PLG: variants seen among roughly 807,000 people sequenced by gnomAD.
The protein encoded by PLG is plasmin.
In PLG, 41 loss-of-function variants were observed where a neutral mutation model predicts 104.4. That is an observed-to-expected ratio of 0.39 (90% confidence interval 0.31 to 0.51). PLG has a LOEUF of 0.51. Among genes scored for constraint, PLG ranks in the 20% least tolerant of loss-of-function variants. The pLI is 0.76. For synonymous variants in PLG, 337 were observed against 357.1 expected, an observed-to-expected ratio of 0.94 and a Z score of 0.63; for missense variants, 891 against 1,003.6, an observed-to-expected ratio of 0.89 and a Z score of 1.52.
intron 10 of PLG, among the ~76,000 whole-genome samples, chr6:160,729,351 A>G (rs1489536439): frequency 6.6e-6 from 1 of 152,152 alleles, no homozygotes; most frequent in Non-Finnish European, 1.5e-5. Context: ...CTATGAGTCT[A>G]CCCCAAAAAA....
At chr6:160,712,401 G>T (rs1296976910) in intron 4 of PLG, 1 of 156,732 alleles carries the variant, frequency 6.4e-6, no homozygotes, top group African/African-American at 2.4e-5. Context: ...AGAAAACCAG[G>T]ACTTTGGAAT....
intron 17 of PLG, among the ~76,000 whole-genome samples, chr6:160,742,537 T>C (rs1460258261): frequency 6.6e-6 from 1 of 152,158 alleles, no homozygotes; most frequent in East Asian, 1.9e-4. Context: ...TCCTCATAGA[T>C]GCTGGATATT....
intron 3 of PLG, chr6:160,708,434 A>G (rs1420754095): frequency 6.6e-6 from 1 of 152,572 alleles, no homozygotes; most frequent in African/African-American, 2.4e-5. Flanking sequence ...CAGGATTTCA[A>G]TAGAAATTGC....
chr6:160,734,649 C>G lies in PLG; in HGVS notation c.1681+561C>G, dbSNP rs111298551. 2.6e-4 allele frequency among the ~76,000 whole-genome samples: 39 copies of G among 150,160 alleles called. No individual in the cohort carries two copies. The highest frequency in any genetic ancestry group is 8.8e-4 in the African/African-American group (36 of 40,800). On this transcript the variant is annotated intron_variant, in intron 13 of 18. Coordinates refer to ENST00000308192, the MANE Select transcript of PLG (RefSeq NM_000301.5). This position sits in a 1 kb window ranked among gnomAD's most constrained non-coding sequence, Gnocchi z 4.4. ...CTTGTTGGGTTCCATCCTCATTGCTCTGAGACTCTTGTTGGGAGTATGAGG... is the reference window on the plus strand; with the variant it reads ...CTTGTTGGGTTCCATCCTCATTGCTGTGAGACTCTTGTTGGGAGTATGAGG...
chr6:160,716,730 A>G lies in PLG; in HGVS notation c.754A>G (p.Lys252Glu). The G allele has an allele frequency of 6.2e-7, 1 of 1,612,134 alleles. No individual in the cohort carries two copies. Among genetic ancestry groups the G allele is most frequent in the South Asian group, 1.1e-5 (1 of 91,048 alleles). ...RPWCFTTDPN[K>E]RWELCDIPRC... ...TTGGTGTTTCACCACCGACCCCAAC[A>G]AGCGCTGGGAACTTTGTGACATCCC... is the stretch of plus-strand genomic sequence containing the variant. Residue 252 changes from lysine (K) to glutamate (E), a missense_variant, in exon 7 of 19, where the codon AAG becomes GAG. Physicochemically the swap from Lys to Glu is moderately conservative, Grantham distance 56. Coordinates refer to ENST00000308192, the MANE Select transcript of PLG (RefSeq NM_000301.5).
intron 17 of PLG, among the ~76,000 whole-genome samples, chr6:160,747,223 T>C: frequency 6.6e-6 from 1 of 152,224 alleles, no homozygotes; most frequent in East Asian, 1.9e-4. Flanking sequence ...GCCCCAGGTC[T>C]AGGATGGCAT....
At chr6:160,727,284 A>T (rs911489113) in intron 10 of PLG, among the ~76,000 whole-genome samples, 12 of 151,842 alleles carry the variant, frequency 7.9e-5, no homozygotes, top group African/African-American at 2.9e-4. Flanking sequence ...TGTGTATATA[A>T]TCTTTAATAT....
At chr6:160,743,595 T>A (rs1484256916) in intron 17 of PLG, among the ~76,000 whole-genome samples, 1 of 152,210 alleles carries the variant, frequency 6.6e-6, no homozygotes, top group African/African-American at 2.4e-5. Context: ...TAGAGTCATG[T>A]CATCTGCCAA....
At chr6:160,713,271 G>A (rs1582934657) in intron 5 of PLG, 146 bp downstream of exon 5, 2 of 710,362 alleles carry the variant, frequency 2.8e-6, no homozygotes, top group Admixed American at 4.6e-5. Context: ...GAATTAACCT[G>A]AATTTTTTTT....
rs758842289 is a variant in PLG at position 160,714,869 on chromosome 6, C to A, written c.623C>A (p.Ala208Asp). The change falls in exon 6 of 19, where the codon GCC becomes GAC. Residue 208 changes from alanine to aspartate, a missense_variant. By Grantham distance (126) the Ala-to-Asp change is moderately radical (BLOSUM62 -2). Transcript: ENST00000308192. ...SKTMSGLECQAWDSQSPHAHG... is the reference protein window; with the variant it reads ...SKTMSGLECQDWDSQSPHAHG... The stretch of plus-strand genomic sequence containing the variant: ...ACCATGTCTGGACTGGAATGCCAGG[C>A]CTGGGACTCTCAGAGCCCACACGCT... 2 of 1,613,626 alleles carry A rather than the reference C, an allele frequency of 1.2e-6. No homozygotes were observed. Among genetic ancestry groups the A allele is most frequent in the East Asian group, 2.2e-5 (1 of 44,864 alleles).
At chr6:160,750,063 T>G in intron 17 of PLG, among the ~76,000 whole-genome samples, 1 of 152,238 alleles carries the variant, frequency 6.6e-6, no homozygotes, top group East Asian at 1.9e-4. Context: ...CTCAATTTTC[T>G]ACATGTCAAT....
chr6:160,709,536 T>C (rs1777597689), intron 3 of PLG, among the ~76,000 whole-genome samples: 1 of 152,206 alleles, frequency 6.6e-6, no homozygotes. Flanking sequence ...TTTTCTACAC[T>C]GGCCTTACTT....
At chr6:160,729,901 GA>G (rs1777972714) in intron 10 of PLG, among the ~76,000 whole-genome samples, 2 of 152,216 alleles carry the variant, frequency 1.3e-5, no homozygotes, top group Admixed American at 6.5e-5. Context: ...CTCAACTGAA[GA>G]GAGTGGAAAT....
At position 160,737,037 on chromosome 6, in the gene PLG, T is replaced by C; in HGVS notation, c.1802+30T>C. 6.2e-7 allele frequency: 1 copy of C among 1,611,158 alleles called. No individual in the cohort carries two copies. The highest frequency in any genetic ancestry group is 1.3e-5 in the African/African-American group (1 of 74,956). On this transcript the variant is annotated intron_variant, in intron 14 of 18. Coordinates refer to ENST00000308192, the MANE Select transcript of PLG (RefSeq NM_000301.5). This position sits in a 1 kb window ranked among gnomAD's most constrained non-coding sequence, Gnocchi z 4.7. ...GAACAGGCCCAGAAACGATTTATAC[T>C]GTCCCTCCACGTAAGCCCTGCAAAA...
intron 4 of PLG, chr6:160,712,023 T>G: frequency 1.5e-6 from 1 of 655,806 alleles, no homozygotes; most frequent in Non-Finnish European, 2.1e-6. Context: ...CCTTTATCCA[T>G]TCCCCCAACA....
intron 17 of PLG, among the ~76,000 whole-genome samples, chr6:160,750,117 G>A (rs776660765): frequency 1.2e-4 from 19 of 152,196 alleles, no homozygotes; most frequent in Middle Eastern, 6.3e-3. Context: ...TCAGAGGGAA[G>A]TTGAAATTCT....
chr6:160,732,400 C>T lies in PLG; in HGVS notation c.1587+507C>T, dbSNP rs1424340064. ...GTGTCTGTGTTCCCCCACTCTCACA[C>T]CCATGCAGCATAACACTTCTCACAC... On this transcript the variant is annotated intron_variant, in intron 12 of 18. Coordinates refer to ENST00000308192, the MANE Select transcript of PLG (RefSeq NM_000301.5). The surrounding 1 kb of genome is among the most constrained non-coding windows in gnomAD (Gnocchi z 4.5). 2.6e-5 allele frequency among the ~76,000 whole-genome samples: 4 copies of T among 152,142 alleles called. No individual in the cohort carries two copies. Among genetic ancestry groups the T allele is most frequent in the Non-Finnish European group, 5.9e-5 (4 of 68,028 alleles).
At chr6:160,733,265 G>A (rs1209426558) in intron 12 of PLG, among the ~76,000 whole-genome samples, 1 of 152,184 alleles carries the variant, frequency 6.6e-6, no homozygotes, top group African/African-American at 2.4e-5. Flanking sequence ...GGAAATAAAT[G>A]TTTCTGAATC....
At chr6:160,748,416 G>GCAA (rs1491473862) in intron 17 of PLG, among the ~76,000 whole-genome samples, 1 of 53,428 alleles carries the variant, frequency 1.9e-5, no homozygotes, top group Non-Finnish European at 3.5e-5. Context: ...AAGAAAGAAA[G>GCAA]GGAAAGAAAG....
Sources: gnomAD v4.1 joint callset for allele counts (sites outside exome capture counted in the v4.1 genomes callset) on GRCh38, gnomAD v4.1.1 for gene constraint, Gnocchi (gnomAD v3.1) non-coding constraint, MANE v1.5 for transcripts, NCBI Gene and HGNC (gene_info 2026-07-23, HGNC 2026-07-21) for gene names.